CTNND2: variants seen among roughly 807,000 people sequenced by gnomAD.
The protein encoded by CTNND2 is catenin delta-2.
CTNND2 carries 22 observed loss-of-function variants against 144.4 expected under a neutral mutation model. The ratio of observed to expected loss-of-function variants is 0.15; its 90% CI spans 0.11 to 0.22. The LOEUF (loss-of-function observed/expected upper bound fraction) is 0.22. Ranked by LOEUF, CTNND2 falls within the 10% of genes least tolerant of loss-of-function variation. The pLI is 1.00. For missense variants in CTNND2, 1,353 were observed against 1,618.8 expected (o/e 0.84, Z 2.82); for synonymous variants, 751 against 695.6 (o/e 1.08, Z -1.25).
At chr5:11,715,502 TAAGA>T (rs890781118) in intron 2 of CTNND2, among the ~76,000 whole-genome samples, 1 of 152,202 alleles carries the variant, frequency 6.6e-6, no homozygotes. Flanking sequence ...CAAGCCTTTT[TAAGA>T]AAGGAAAAGA....
intron 10 of CTNND2, among the ~76,000 whole-genome samples, chr5:11,222,611 T>C (rs1342229963): frequency 6.6e-6 from 1 of 152,058 alleles, no homozygotes. Flanking sequence ...TTCAAGATCA[T>C]CCTGGGTAAC....
intron 3 of CTNND2, among the ~76,000 whole-genome samples, chr5:11,455,966 T>A (rs902952716): frequency 5.9e-5 from 9 of 152,164 alleles, no homozygotes; most frequent in African/African-American, 1.9e-4. Context: ...TATTTATTTA[T>A]TTTGGAAAAA....
rs570407807 is a variant in CTNND2 at position 11,078,627 on chromosome 5, A to T, written c.2788+4069T>A. ...TTATATTTTAATCCACCAAAAGAAA[A>T]AAAACACACATACAAACACACAATA... On this transcript the variant is annotated intron_variant, in intron 16 of 21. Transcript: ENST00000304623. Among the ~76,000 whole-genome samples the T allele has an allele frequency of 1.2e-4, 18 of 152,322 alleles. 1 individual carries two copies. Among genetic ancestry groups the T allele is most frequent in the Admixed American group, 1.2e-3 (18 of 15,304 alleles).
At chr5:11,859,365 A>G (rs894382167) in intron 1 of CTNND2, among the ~76,000 whole-genome samples, 6 of 152,254 alleles carry the variant, frequency 3.9e-5, no homozygotes, top group African/African-American at 1.4e-4. Context: ...CTAGAAGAAC[A>G]AAACAAAATA....
chr5:11,082,627 A>G (rs1435241058), intron 16 of CTNND2, 69 bp downstream of exon 16: 15 of 1,567,940 alleles, frequency 9.6e-6, no homozygotes, highest in Admixed American at 1.8e-5. Flanking sequence ...TACGGGTTCA[A>G]CCACACCTAC....
intron 8 of CTNND2, among the ~76,000 whole-genome samples, chr5:11,359,295 G>A (rs755182910): frequency 2.6e-5 from 4 of 152,054 alleles, no homozygotes; most frequent in Non-Finnish European, 5.9e-5. Flanking sequence ...TCATGCAAGA[G>A]GTATAAATGC....
chr5:11,133,445 C>T (rs572896778), intron 12 of CTNND2, among the ~76,000 whole-genome samples: 5 of 152,204 alleles, frequency 3.3e-5, no homozygotes, highest in South Asian at 2.1e-4. Context: ...CTCTGCCTCG[C>T]GGGTTCAAGC....
At chr5:11,355,394 G>T (rs1324960761) in intron 8 of CTNND2, among the ~76,000 whole-genome samples, 2 of 151,918 alleles carry the variant, frequency 1.3e-5, no homozygotes, top group East Asian at 3.9e-4. Context: ...CACATTAACA[G>T]AACCAAGGAT....
At chr5:11,317,073 C>T (rs1751586172) in intron 9 of CTNND2, among the ~76,000 whole-genome samples, 1 of 152,196 alleles carries the variant, frequency 6.6e-6, no homozygotes, top group Admixed American at 6.5e-5. Flanking sequence ...AAAAAATGCT[C>T]ATCATCACTG....
chr5:11,814,041 T>C (rs530457278), intron 1 of CTNND2, among the ~76,000 whole-genome samples: 8 of 152,366 alleles, frequency 5.3e-5, no homozygotes, highest in African/African-American at 4.8e-5. Flanking sequence ...TGCTTTTTTC[T>C]TTAATGTGTA....
intron 21 of CTNND2, among the ~76,000 whole-genome samples, chr5:10,976,413 G>C (rs1000045669): frequency 6.6e-6 from 1 of 152,204 alleles, no homozygotes; most frequent in Non-Finnish European, 1.5e-5. Flanking sequence ...ATTTGGATGA[G>C]GGATGTAGAA....
intron 2 of CTNND2, among the ~76,000 whole-genome samples, chr5:11,634,179 G>T (rs1186976953): frequency 6.6e-6 from 1 of 152,168 alleles, no homozygotes; most frequent in African/African-American, 2.4e-5. Flanking sequence ...TCATCAGAAA[G>T]AGAGAACTTT....
intron 12 of CTNND2, among the ~76,000 whole-genome samples, chr5:11,145,439 C>T (rs1757150792): frequency 6.6e-6 from 1 of 152,122 alleles, no homozygotes; most frequent in South Asian, 2.1e-4. Context: ...ATTACACAAC[C>T]TGTAGTTTCT....
intron 11 of CTNND2, among the ~76,000 whole-genome samples, chr5:11,185,411 A>G (rs1735524652): frequency 6.6e-6 from 1 of 152,170 alleles, no homozygotes; most frequent in Non-Finnish European, 1.5e-5. Context: ...TGTGAACTGG[A>G]GAAGAAAGAA....
intron 2 of CTNND2, among the ~76,000 whole-genome samples, chr5:11,624,892 G>A (rs536002512): frequency 3.9e-5 from 6 of 152,034 alleles, no homozygotes; most frequent in African/African-American, 1.4e-4. Flanking sequence ...CTGTATGCCA[G>A]GTACTATGCT....
chr5:11,668,331 T>C (rs543909487), intron 2 of CTNND2, among the ~76,000 whole-genome samples: 5 of 152,344 alleles, frequency 3.3e-5, no homozygotes, highest in Admixed American at 1.3e-4. Flanking sequence ...GGGGATAGCA[T>C]TGAATCTATC....
intron 11 of CTNND2, among the ~76,000 whole-genome samples, chr5:11,183,933 CAA>C (rs1250229596): frequency 6.6e-6 from 1 of 152,090 alleles, no homozygotes. Context: ...CTCTTTCTCT[CAA>C]ACTCTTTTCT....
chr5:11,748,179 G>A (rs1319757580), intron 1 of CTNND2, among the ~76,000 whole-genome samples: 2 of 48,358 alleles, frequency 4.1e-5, no homozygotes, highest in Non-Finnish European at 9.6e-5. Flanking sequence ...ATAAATTGCT[G>A]ACCTTAAGAA....
At chr5:11,005,553 A>G (rs1383561342) in intron 18 of CTNND2, among the ~76,000 whole-genome samples, 4 of 152,236 alleles carry the variant, frequency 2.6e-5, no homozygotes, top group African/African-American at 9.6e-5. Flanking sequence ...TTTAGGAAAT[A>G]TATCATCAGG....
Sources: allele counts gnomAD v4.1 joint callset (sites outside exome capture counted in the v4.1 genomes callset), GRCh38; gene constraint gnomAD v4.1.1; transcripts MANE v1.5; gene names NCBI Gene and HGNC (gene_info 2026-07-23, HGNC 2026-07-21).